The following WWOX variants were observed in gnomAD, a reference collection of about 807,000 sequenced individuals.
WWOX encodes WW domain containing oxidoreductase.
Under a neutral mutation model 46.2 loss-of-function variants are expected in WWOX, and 69 were observed. That is an observed-to-expected ratio of 1.49 (90% CI 1.23 to 1.82). The LOEUF (loss-of-function observed/expected upper bound fraction) is 1.82. Ranked by LOEUF, WWOX falls within the 40% of genes most tolerant of loss-of-function variation. The pLI, the probability that WWOX is intolerant of heterozygous loss-of-function variation, is 0.00. For synonymous variants in WWOX, 359 were observed against 202.6 expected (o/e 1.77, Z -6.56); for missense variants, 919 against 542.6 (o/e 1.69, Z -6.89).
intron 8 of WWOX, among the ~76,000 whole-genome samples, chr16:78,796,068 T>A (rs2050728084): frequency 6.6e-6 from 1 of 152,220 alleles, no homozygotes; most frequent in African/African-American, 2.4e-5. Flanking sequence ...TAATAAATAC[T>A]TTAGACTGGC....
At chr16:78,320,532 G>C (rs938866561) in intron 5 of WWOX, among the ~76,000 whole-genome samples, 1 of 152,130 alleles carries the variant, frequency 6.6e-6, no homozygotes, top group African/African-American at 2.4e-5. Context: ...CCCCAAAGTG[G>C]GCTTCCTTTG....
chr16:78,533,755 G>C (rs1024011368), intron 8 of WWOX, among the ~76,000 whole-genome samples: 1 of 152,156 alleles, frequency 6.6e-6, no homozygotes, highest in African/African-American at 2.4e-5. Context: ...AGCCTTCCCT[G>C]GATGTTGAGG....
intron 8 of WWOX, among the ~76,000 whole-genome samples, chr16:78,768,451 G>A (rs1162234277): frequency 6.6e-6 from 1 of 151,976 alleles, no homozygotes; most frequent in African/African-American, 2.4e-5. Flanking sequence ...TTAGCCAGGT[G>A]TGGTGGCGCA....
At chr16:78,280,202 C>T (rs967974654) in intron 5 of WWOX, among the ~76,000 whole-genome samples, 2 of 152,206 alleles carry the variant, frequency 1.3e-5, no homozygotes, top group Non-Finnish European at 2.9e-5. Context: ...TTTTCTCCCC[C>T]ACTTTTAACC....
rs368401081 is a variant in WWOX, at chr16:78,424,944, C to G, written c.680C>G (p.Thr227Ser). 5 of 1,614,004 alleles carry G rather than the reference C, an allele frequency of 3.1e-6. No homozygotes were observed. The African/African-American group carries it at 6.7e-5, about 22-fold the overall frequency. The change falls in exon 7 of 9, where the codon ACC (threonine) becomes AGC (serine). Residue 227 changes from threonine (T) to serine (S), a missense_variant. Transcript: ENST00000566780. ...PWSLTKDGLE[T>S]TFQVNHLGHF... ...AGTCTCACCAAAGATGGCCTGGAGA[C>G]CACCTTTCAAGTGAATCATCTGGGG... is the stretch of plus-strand genomic sequence containing the variant.
At chr16:78,166,553 TCTTTTTCTTTTTTA>T (rs2034980666) in intron 5 of WWOX, among the ~76,000 whole-genome samples, 2 of 151,196 alleles carry the variant, frequency 1.3e-5, no homozygotes, top group South Asian at 2.1e-4. Flanking sequence ...TTCTTTTTTT[TCTTTTTCTTTTTTA>T]TTTTTTTTTT....
intron 8 of WWOX, among the ~76,000 whole-genome samples, chr16:79,176,949 T>G (rs1281602440): frequency 6.6e-6 from 1 of 152,176 alleles, no homozygotes; most frequent in Non-Finnish European, 1.5e-5. Flanking sequence ...CTCATCAGTT[T>G]CCACCCCTCC....
chr16:78,273,227 A>G (rs535824771), intron 5 of WWOX, among the ~76,000 whole-genome samples: 7 of 152,226 alleles, frequency 4.6e-5, no homozygotes, highest in Admixed American at 3.3e-4. Context: ...ATGATATCCT[A>G]TGCCAAACTT....
At chr16:78,908,321 A>C (rs554415209) in intron 8 of WWOX, among the ~76,000 whole-genome samples, 1 of 152,048 alleles carries the variant, frequency 6.6e-6, no homozygotes, top group Non-Finnish European at 1.5e-5. Flanking sequence ...GGGTGGTTCA[A>C]CTGAGGTCAG....
In WWOX at chr16:79,134,182, T is replaced by TC. The variant is rs529078355; in HGVS notation, c.1057-77425dup. Among the ~76,000 whole-genome samples, 45 of 151,146 alleles carry TC rather than the reference T, an allele frequency of 3.0e-4. No homozygotes were observed. In the South Asian group the frequency reaches 4.2e-3, roughly 14 times the overall value. ...TTGGGATTATCTTATGATTTTTTTT[T>TC]CTCTTTAATTTTCTTACAAAGGAAA... On this transcript the variant is annotated intron_variant, in intron 8 of 8. Coordinates refer to ENST00000566780, the MANE Select transcript of WWOX (RefSeq NM_016373.4).
At chr16:78,754,572 C>T (rs762721406) in intron 8 of WWOX, among the ~76,000 whole-genome samples, 26 of 151,938 alleles carry the variant, frequency 1.7e-4, no homozygotes, top group Non-Finnish European at 2.6e-4. Context: ...AATAAAAATT[C>T]ATTTTCTCAT....
chr16:78,622,272 G>A (rs1597361156), intron 8 of WWOX, among the ~76,000 whole-genome samples: 1 of 152,014 alleles, frequency 6.6e-6, no homozygotes, highest in African/African-American at 2.4e-5. Context: ...GCTGGTCGCA[G>A]TGGCTCATGC....
At chr16:78,626,664 G>C (rs1238763781) in intron 8 of WWOX, among the ~76,000 whole-genome samples, 5 of 152,118 alleles carry the variant, frequency 3.3e-5, no homozygotes, top group Non-Finnish European at 1.5e-5. Flanking sequence ...GCTGCCTTTG[G>C]AGGAGTGTTG....
intron 8 of WWOX, among the ~76,000 whole-genome samples, chr16:78,506,923 A>G (rs62036412): frequency 0.15 from 23,385 of 151,844 alleles, 1,952 homozygotes; most frequent in Non-Finnish European, 0.18. Context: ...CATGTTGGCC[A>G]TATTGGTCTT....
At chr16:78,769,296 C>G (rs34021737) in intron 8 of WWOX, among the ~76,000 whole-genome samples, 6,959 of 152,144 alleles carry the variant, frequency 0.046, 219 homozygotes, top group Non-Finnish European at 0.067. Context: ...ATCCGTCTGT[C>G]CATCCATCCA....
chr16:78,438,054 G>A (rs999061896), intron 8 of WWOX, among the ~76,000 whole-genome samples: 4 of 152,114 alleles, frequency 2.6e-5, no homozygotes, highest in African/African-American at 9.7e-5. Context: ...CTAATCTTGG[G>A]TTTTTGCAGT....
At chr16:79,088,531 G>GA (rs2048895267) in intron 8 of WWOX, among the ~76,000 whole-genome samples, 1 of 152,172 alleles carries the variant, frequency 6.6e-6, no homozygotes, top group Non-Finnish European at 1.5e-5. Context: ...GACGGAGTCA[G>GA]AAAAATGACA....
Position 79,193,457 on chromosome 16 carries a change from C to A in WWOX, c.1057-18151C>A, listed in dbSNP as rs545084028. On this transcript the variant is annotated intron_variant, in intron 8 of 8. Coordinates refer to ENST00000566780, the MANE Select transcript of WWOX (RefSeq NM_016373.4). ...GCTGGAGGAAAAAGAGCTTTGCCACCGGGCAGTACTGCTGGGTCTTGCGTC... is the reference window on the plus strand; with the variant it reads ...GCTGGAGGAAAAAGAGCTTTGCCACAGGGCAGTACTGCTGGGTCTTGCGTC... 6.6e-5 allele frequency among the ~76,000 whole-genome samples: 10 copies of A among 152,266 alleles called. No homozygotes were observed. In the East Asian group the frequency reaches 1.9e-3, roughly 29 times the overall value.
At chr16:79,053,844 G>T (rs1437494775) in intron 8 of WWOX, among the ~76,000 whole-genome samples, 1 of 152,084 alleles carries the variant, frequency 6.6e-6, no homozygotes, top group East Asian at 1.9e-4. Context: ...TATTTAGGTA[G>T]GAAGAGTTTG....
Sources: gnomAD v4.1 joint callset for allele counts (sites outside exome capture counted in the v4.1 genomes callset) on GRCh38, gnomAD v4.1.1 for gene constraint, MANE v1.5 for transcripts, NCBI Gene and HGNC (gene_info 2026-07-23, HGNC 2026-07-21) for gene names.